GALNT14: variants seen among roughly 807,000 people sequenced by gnomAD.
GALNT14 encodes the protein polypeptide N-acetylgalactosaminyltransferase 14.
In GALNT14, 60 loss-of-function variants were observed where a neutral mutation model predicts 77.5. The observed-to-expected ratio is 0.77, with a 90% CI of 0.63 to 0.96. The LOEUF (loss-of-function observed/expected upper bound fraction) is 0.96, where lower values mean the gene tolerates loss of function less well. Among genes scored for constraint, GALNT14 ranks in the 40% least tolerant of loss-of-function variants. The pLI, the probability that GALNT14 is intolerant of heterozygous loss-of-function variation, is 0.00. For synonymous variants in GALNT14, 280 were observed against 281.7 expected, an observed-to-expected ratio of 0.99 and a Z score of 0.06; for missense variants, 710 against 731.0, an observed-to-expected ratio of 0.97 and a Z score of 0.33.
chr2:31,083,012 A>G (rs1676232104), intron 1 of GALNT14, among the ~76,000 whole-genome samples: 1 of 152,170 alleles, frequency 6.6e-6, no homozygotes, highest in Admixed American at 6.5e-5. Context: ...GTATGACTCC[A>G]TCTCAAAAAA....
At chr2:31,076,678 T>G (rs1205705012) in intron 1 of GALNT14, among the ~76,000 whole-genome samples, 1 of 150,672 alleles carries the variant, frequency 6.6e-6, no homozygotes, top group Non-Finnish European at 1.5e-5. Context: ...CTCAAGAAAC[T>G]CAATCCATTT....
In GALNT14 at chr2:30,969,426, G is replaced by A. The variant is rs535462674; in HGVS notation, c.300-3124C>T. ...AGTTACTCAGGGGCAAGTTGGGGAGGGAGGTGGTACTGAGAGTTATCTCCT... is the reference window on the plus strand; with the variant it reads ...AGTTACTCAGGGGCAAGTTGGGGAGAGAGGTGGTACTGAGAGTTATCTCCT... On this transcript the variant is annotated intron_variant, in intron 2 of 14. Transcript: ENST00000349752. Among the ~76,000 whole-genome samples, 3 of 152,306 alleles carry A rather than the reference G, an allele frequency of 2.0e-5. No individual in the cohort carries two copies. In the East Asian group the frequency reaches 5.8e-4, roughly 29 times the overall value.
At chr2:31,092,471 C>T (rs1460547939) in intron 1 of GALNT14, among the ~76,000 whole-genome samples, 4 of 152,184 alleles carry the variant, frequency 2.6e-5, no homozygotes, top group African/African-American at 9.6e-5. Flanking sequence ...ATTCAATCTA[C>T]AGCAGAGGGA....
At chr2:30,927,270 C>T (rs1178871180) in intron 11 of GALNT14, among the ~76,000 whole-genome samples, 1 of 152,156 alleles carries the variant, frequency 6.6e-6, no homozygotes, top group Admixed American at 6.5e-5. Flanking sequence ...TGAAACTCCC[C>T]AGGGAACTCT....
At chr2:30,925,020 T>A (rs1665282884) in intron 11 of GALNT14, among the ~76,000 whole-genome samples, 197 bp from the exon 12 acceptor site, 1 of 152,234 alleles carries the variant, frequency 6.6e-6, no homozygotes. Context: ...TGGAAACACT[T>A]AGCAATATCT....
intron 2 of GALNT14, among the ~76,000 whole-genome samples, 174 bp from the exon 3 acceptor site, chr2:30,966,476 G>C (rs963506062): frequency 1.3e-5 from 2 of 152,212 alleles, no homozygotes; most frequent in Admixed American, 1.3e-4. Context: ...GGCCCTAAGA[G>C]GGGCTGGGGA....
At chr2:31,126,261 T>G (rs975220039) in intron 1 of GALNT14, among the ~76,000 whole-genome samples, 1 of 152,158 alleles carries the variant, frequency 6.6e-6, no homozygotes, top group Non-Finnish European at 1.5e-5. Context: ...AAAGGCAAGT[T>G]GCAAAGGGAA....
intron 1 of GALNT14, among the ~76,000 whole-genome samples, chr2:31,089,754 G>C (rs1193589074): frequency 3.9e-5 from 6 of 151,990 alleles, no homozygotes; most frequent in Admixed American, 2.6e-4. Context: ...GGTAATGCTA[G>C]GGAGCCCATA....
chr2:30,912,087 C>G, intron 14 of GALNT14, 136 bp downstream of exon 14: 1 of 1,123,970 alleles, frequency 8.9e-7, no homozygotes, highest in Non-Finnish European at 1.3e-6. Context: ...CAGCACTTTC[C>G]CTCCCTCTCC....
intron 1 of GALNT14, among the ~76,000 whole-genome samples, chr2:31,007,519 G>GA (rs2148433483): frequency 6.6e-6 from 1 of 152,274 alleles, no homozygotes; most frequent in African/African-American, 2.4e-5. Context: ...TGAACTGTTG[G>GA]AAGGATGTAA....
At chr2:30,929,921 CTG>C (rs1283622193) in intron 10 of GALNT14, among the ~76,000 whole-genome samples, 1 of 152,182 alleles carries the variant, frequency 6.6e-6, no homozygotes, top group Non-Finnish European at 1.5e-5. Flanking sequence ...GCTGAATAAA[CTG>C]TGGGTTGTCT....
At chr2:31,119,157 T>TA (rs1156326505) in intron 1 of GALNT14, among the ~76,000 whole-genome samples, 4 of 152,256 alleles carry the variant, frequency 2.6e-5, no homozygotes, top group African/African-American at 7.2e-5. Flanking sequence ...ATCTAGGACT[T>TA]ACGATGATCT....
At chr2:31,000,503 T>G (rs915157694) in intron 1 of GALNT14, among the ~76,000 whole-genome samples, 1 of 149,454 alleles carries the variant, frequency 6.7e-6, no homozygotes, top group South Asian at 2.1e-4. Context: ...GACAGATTGA[T>G]TGATTGGCTG....
chr2:31,091,614 A>G (rs1676744503), intron 1 of GALNT14, among the ~76,000 whole-genome samples: 1 of 152,206 alleles, frequency 6.6e-6, no homozygotes, highest in African/African-American at 2.4e-5. Context: ...CAAATAACAA[A>G]TTTATTTATC....
intron 13 of GALNT14, among the ~76,000 whole-genome samples, chr2:30,918,003 G>A (rs761204433): frequency 1.3e-5 from 2 of 152,208 alleles, no homozygotes; most frequent in Admixed American, 6.5e-5. Flanking sequence ...TACCAACTGT[G>A]ACAACAGCAC....
intron 1 of GALNT14, chr2:31,065,315 A>G (rs931766047): frequency 2.6e-5 from 4 of 152,190 alleles, no homozygotes; most frequent in African/African-American, 7.2e-5. Flanking sequence ...TGATGGTGGA[A>G]AAAGCACTCC....
intron 1 of GALNT14, among the ~76,000 whole-genome samples, chr2:30,994,280 G>A (rs563535312): frequency 6.6e-6 from 1 of 152,270 alleles, no homozygotes; most frequent in South Asian, 2.1e-4. Context: ...GCTGAGAGCT[G>A]CCCATCCCAT....
chr2:30,895,146 C>G, the GALNT14 span, among the ~76,000 whole-genome samples: 1 of 152,166 alleles, frequency 6.6e-6, no homozygotes, highest in African/African-American at 2.4e-5. Flanking sequence ...GATGAAGGAG[C>G]AGCTGCATCT....
intron 1 of GALNT14, among the ~76,000 whole-genome samples, chr2:31,083,652 G>A (rs1221610192): frequency 6.6e-6 from 1 of 152,190 alleles, no homozygotes; most frequent in African/African-American, 2.4e-5. Flanking sequence ...ATCTGAGAAA[G>A]TTGATCAGTG....
Sources: gnomAD v4.1 joint callset for allele counts (sites outside exome capture counted in the v4.1 genomes callset) on GRCh38, gnomAD v4.1.1 for gene constraint, MANE v1.5 for transcripts, NCBI Gene and HGNC (gene_info 2026-07-23, HGNC 2026-07-21) for gene names.